The following SPATA1 variants were observed in gnomAD, a reference collection of about 807,000 sequenced individuals.
The protein encoded by SPATA1 is spermatogenesis associated 1, also known as spermatogenesis-associated protein 1.
SPATA1 carries 57 observed loss-of-function variants against 59.6 expected under a neutral mutation model. The ratio of observed to expected loss-of-function variants is 0.96; its 90% CI spans 0.77 to 1.19. The LOEUF is 1.19. Ranked by LOEUF, SPATA1 falls within the 50% of genes most tolerant of loss-of-function variation. The probability of loss-of-function intolerance (pLI) is 0.00; values close to 1 mark genes in which losing one functional copy is unlikely to be tolerated. For missense variants in SPATA1, 448 were observed against 480.7 expected (o/e 0.93, Z 0.64); for synonymous variants, 147 against 163.9 (o/e 0.90, Z 0.79).
At chr1:84,544,570 TA>T (rs143705146) in intron 9 of SPATA1, among the ~76,000 whole-genome samples, 5,465 of 152,130 alleles carry the variant, frequency 0.036, 336 homozygotes, top group African/African-American at 0.12. Flanking sequence ...ATTTTTATTT[TA>T]TTTTTTTTAG....
At chr1:84,515,805 A>G (rs1682771967) in intron 1 of SPATA1, among the ~76,000 whole-genome samples, 1 of 152,164 alleles carries the variant, frequency 6.6e-6, no homozygotes, top group African/African-American at 2.4e-5. Flanking sequence ...AGAAATGTAT[A>G]TGATATAACA....
chr1:84,531,450 G>A (rs6658974), intron 6 of SPATA1, among the ~76,000 whole-genome samples: 6,559 of 151,802 alleles, frequency 0.043, 196 homozygotes, highest in Admixed American at 0.082. Flanking sequence ...GACATGAGCC[G>A]CCATACCCAG....
chr1:84,512,749 T>C (rs17110590), intron 1 of SPATA1, among the ~76,000 whole-genome samples: 9,349 of 152,276 alleles, frequency 0.061, 392 homozygotes, highest in African/African-American at 0.11. Flanking sequence ...CTGTGATAAT[T>C]CATTTCTGTA....
In SPATA1 at chr1:84,560,098, AAAGAAAGAAAG is replaced by A. The variant is rs1391701535; in HGVS notation, n.442+4122_442+4132del. ...GACTCTGTCTCAAAAAAAAAAAAAA[AAAGAAAGAAAG>A]AAAGAAAGAAAGAAAGAAAGAAAGG... On this transcript the variant is annotated intron_variant and non_coding_transcript_variant, in intron 4 of 4. Coordinates refer to the SPATA1 transcript ENST00000460286. 4.4e-3 allele frequency among the ~76,000 whole-genome samples: 151 copies of A among 34,108 alleles called. 1 individual carries two copies. Among genetic ancestry groups the A allele is most frequent in the East Asian group, 0.035 (15 of 424 alleles). 22.4% of individuals were successfully genotyped at this position (34,108 alleles called of 152,430 possible). A position where few individuals can be genotyped will look rare whatever the true frequency, so the allele number is the denominator to read the frequency against.
At chr1:84,539,018 C>T (rs1201856763) in intron 8 of SPATA1, among the ~76,000 whole-genome samples, 1 of 152,146 alleles carries the variant, frequency 6.6e-6, no homozygotes, top group Non-Finnish European at 1.5e-5. Flanking sequence ...CCAGGCTGGT[C>T]TCCAACTCCT....
At chr1:84,552,415 T>G (rs917431570) in intron 12 of SPATA1, 1 of 152,196 alleles carries the variant, frequency 6.6e-6, no homozygotes, top group Non-Finnish European at 1.5e-5. Flanking sequence ...AGGGCTCTGG[T>G]ACCAGGTGGT....
intron 2 of SPATA1, among the ~76,000 whole-genome samples, chr1:84,518,288 T>G (rs1214585206): frequency 2.6e-5 from 4 of 152,092 alleles, no homozygotes; most frequent in Non-Finnish European, 5.9e-5. Context: ...CGAGGACAAT[T>G]GGGAAAATTT....
intron 4 of SPATA1, among the ~76,000 whole-genome samples, chr1:84,564,077 T>G (rs1684644839): frequency 6.6e-6 from 1 of 152,198 alleles, no homozygotes; most frequent in South Asian, 2.1e-4. Context: ...AAATAAAATA[T>G]TCACAAAATC....
chr1:84,565,669 A>C (rs1213869465), intron 4 of SPATA1, among the ~76,000 whole-genome samples, 192 bp from the exon 14 acceptor site: 1 of 152,200 alleles, frequency 6.6e-6, no homozygotes, highest in Admixed American at 6.5e-5. Context: ...CAAAACTTTA[A>C]AACTTTTTGT....
At chr1:84,558,456 ATT>A (rs1435158892), downstream of SPATA1, among the ~76,000 whole-genome samples, 1 of 150,398 alleles carries the variant, frequency 6.6e-6, no homozygotes, top group African/African-American at 2.4e-5. Context: ...CGCCCGGCTA[ATT>A]TTTTTTGTAT....
intron 12 of SPATA1, 147 bp downstream of exon 12, chr1:84,550,677 G>GA (rs934291005): frequency 2.1e-3 from 2,299 of 1,101,512 alleles, no homozygotes; most frequent in Middle Eastern, 4.8e-3. Context: ...GAGCATAGGT[G>GA]AAAAAAAAAA....
intron 4 of SPATA1, among the ~76,000 whole-genome samples, chr1:84,559,561 G>T (rs1412261015): frequency 6.6e-6 from 1 of 152,124 alleles, no homozygotes; most frequent in East Asian, 1.9e-4. Flanking sequence ...GGCAGAGGTT[G>T]CAGTGAACTG....
chr1:84,528,848 G>A (rs948016480), intron 6 of SPATA1, among the ~76,000 whole-genome samples: 5 of 152,130 alleles, frequency 3.3e-5, no homozygotes, highest in Admixed American at 2.6e-4. Context: ...TTGCCATTAT[G>A]TCATATATTT....
chr1:84,540,450 C>A (rs1683862383), intron 8 of SPATA1, among the ~76,000 whole-genome samples: 1 of 152,042 alleles, frequency 6.6e-6, no homozygotes, highest in Non-Finnish European at 1.5e-5. Flanking sequence ...AAATTATGCT[C>A]TGACTCCTCC....
intron 8 of SPATA1, among the ~76,000 whole-genome samples, chr1:84,534,222 G>A (rs1208560381): frequency 1.3e-5 from 2 of 151,974 alleles, no homozygotes; most frequent in Non-Finnish European, 2.9e-5. Flanking sequence ...TGGTTTAAAC[G>A]AGTTAATGAA....
intron 12 of SPATA1, chr1:84,551,364 A>C: frequency 1.3e-6 from 1 of 771,236 alleles, no homozygotes. Flanking sequence ...GTTTCAGATA[A>C]AAATAAAAAT....
At chr1:84,559,131 T>C (rs757754414), downstream of SPATA1, among the ~76,000 whole-genome samples, 13 of 152,200 alleles carry the variant, frequency 8.5e-5, no homozygotes, top group Non-Finnish European at 1.6e-4. Flanking sequence ...GCAACTCTAT[T>C]GAACAAGTCT....
intron 1 of SPATA1, among the ~76,000 whole-genome samples, chr1:84,511,290 C>T (rs1049688925): frequency 6.6e-6 from 1 of 152,136 alleles, no homozygotes; most frequent in African/African-American, 2.4e-5. Context: ...TACATGCCCA[C>T]AAAAATTACA....
At chr1:84,549,794 TAA>T (rs1684215427) in intron 11 of SPATA1, 1 of 151,934 alleles carries the variant, frequency 6.6e-6, no homozygotes, top group African/African-American at 2.4e-5. Flanking sequence ...GATGAAATAT[TAA>T]AAGTTTATTA....
Sources: gnomAD v4.1 joint callset for allele counts (sites outside exome capture counted in the v4.1 genomes callset) on GRCh38, gnomAD v4.1.1 for gene constraint, MANE v1.5 for transcripts, NCBI Gene and HGNC (gene_info 2026-07-23, HGNC 2026-07-21) for gene names.